Variants in STAT4 observed in about 807,000 individuals in gnomAD.
The protein encoded by STAT4 is signal transducer and activator of transcription 4.
A neutral mutation model predicts 110.5 loss-of-function variants in STAT4; 42 were observed. That is an observed-to-expected ratio of 0.38 (90% CI 0.30 to 0.49). STAT4 has a LOEUF of 0.49. Among genes scored for constraint, STAT4 ranks in the 20% least tolerant of loss-of-function variants. STAT4 has a pLI of 0.95. For missense variants in STAT4, 632 were observed against 887.9 expected, an observed-to-expected ratio of 0.71 and a Z score of 3.66; for synonymous variants, 284 against 302.2, an observed-to-expected ratio of 0.94 and a Z score of 0.63.
chr2:191,125,453 C>T (rs1317156676), intron 3 of STAT4, among the ~76,000 whole-genome samples: 1 of 122,908 alleles, frequency 8.1e-6, no homozygotes, highest in African/African-American at 2.8e-5. Flanking sequence ...ATCTACTGAG[C>T]CATTGGCTGT....
In STAT4 at chr2:191,034,552, C is replaced by T. The variant is rs774187563; in HGVS notation, c.1616G>A (p.Cys539Tyr). 1.9e-6 allele frequency: 3 copies of T among 1,612,718 alleles called. No individual in the cohort carries two copies. The highest frequency in any genetic ancestry group is 1.3e-5 in the African/African-American group (1 of 74,844). Residue 539 changes from cysteine to tyrosine, a missense_variant, in exon 18 of 24, where the codon TGC becomes TAC. This residue lies in a region of STAT4 where 74 missense variants were observed against 154.3 expected (regional missense o/e 0.48). Coordinates refer to ENST00000392320, the MANE Select transcript of STAT4 (RefSeq NM_003151.4). ...SDGHLTWAKF[C>Y]KEHLPGKSFT... ...TGTTTCCCCGACCGTTTGTACCTTGCAGAACTTGGCCCAGGTGAGGTGACC... is the reference window on the plus strand; with the variant it reads ...TGTTTCCCCGACCGTTTGTACCTTGTAGAACTTGGCCCAGGTGAGGTGACC...
intron 3 of STAT4, among the ~76,000 whole-genome samples, chr2:191,087,314 G>A (rs1025586399): frequency 6.6e-6 from 1 of 152,026 alleles, no homozygotes; most frequent in African/African-American, 2.4e-5. Flanking sequence ...CTTTTAATGC[G>A]TGAAACCTGT....
chr2:191,125,232 G>A (rs897973495), intron 3 of STAT4, among the ~76,000 whole-genome samples: 2 of 152,082 alleles, frequency 1.3e-5, no homozygotes, highest in Admixed American at 1.3e-4. Flanking sequence ...CTGAGGCAGA[G>A]GTCACAGATT....
chr2:191,124,975 T>G (rs1698836823), intron 3 of STAT4, among the ~76,000 whole-genome samples: 1 of 152,232 alleles, frequency 6.6e-6, no homozygotes, highest in Non-Finnish European at 1.5e-5. Flanking sequence ...AGTCTCTGTC[T>G]CTATAGTTCT....
chr2:191,036,118 G>A, intron 17 of STAT4, 46 bp downstream of exon 17: 1 of 1,593,964 alleles, frequency 6.3e-7, no homozygotes. Flanking sequence ...TAAAATGCCT[G>A]AGGGCCAAAA....
intron 14 of STAT4, chr2:191,041,439 A>G (rs1696195971): frequency 6.2e-6 from 1 of 161,352 alleles, no homozygotes. Flanking sequence ...GTTTTTCCTT[A>G]TTTTAATGTT....
chr2:191,043,118 AAAC>A lies in STAT4; in HGVS notation c.1252-1973_1252-1971del, dbSNP rs1696254867. The stretch of plus-strand genomic sequence containing the variant: ...TGTATATATTTGAAAATGCACATTA[AAAC>A]ACTTTTTAAAAACTATATAAAACAA... On this transcript the variant is annotated intron_variant, in intron 14 of 23. Coordinates refer to ENST00000392320, the MANE Select transcript of STAT4 (RefSeq NM_003151.4). This position sits in a 1 kb window ranked among gnomAD's most constrained non-coding sequence, Gnocchi z 4.8. 6.6e-6 allele frequency among the ~76,000 whole-genome samples: 1 copy of A among 152,248 alleles called. No homozygotes were observed. The highest frequency in any genetic ancestry group is 6.5e-5 in the Admixed American group (1 of 15,274).
rs1292822760 is a variant in STAT4, at chr2:191,104,606, TA to T, written c.274-28282del. Among the ~76,000 whole-genome samples, 1 of 152,186 alleles carries T rather than the reference TA, an allele frequency of 6.6e-6. No individual in the cohort carries two copies. Among genetic ancestry groups the T allele is most frequent in the Non-Finnish European group, 1.5e-5 (1 of 68,038 alleles). On this transcript the variant is annotated intron_variant, in intron 3 of 23. Coordinates refer to ENST00000392320, the MANE Select transcript of STAT4 (RefSeq NM_003151.4). This position sits in a 1 kb window ranked among gnomAD's most constrained non-coding sequence, Gnocchi z 4.3. The stretch of plus-strand genomic sequence containing the variant: ...AACTTTTGATTTTGCTAAATAAGTA[TA>T]TATTAAACAAAGGTCCATAACCACC...
intron 3 of STAT4, among the ~76,000 whole-genome samples, chr2:191,108,881 T>C (rs1252723000): frequency 6.6e-6 from 1 of 152,258 alleles, no homozygotes. Flanking sequence ...AAACAGTTTT[T>C]CTTAATTGAA....
At chr2:191,049,218 AGGCTG>A (rs1235784678) in intron 14 of STAT4, among the ~76,000 whole-genome samples, 3 of 126,966 alleles carry the variant, frequency 2.4e-5, no homozygotes, top group Non-Finnish European at 4.7e-5. Flanking sequence ...TCTGTCACCC[AGGCTG>A]GAGTGCAGTG....
At chr2:191,076,960 G>A (rs1184021837) in intron 3 of STAT4, among the ~76,000 whole-genome samples, 1 of 152,122 alleles carries the variant, frequency 6.6e-6, no homozygotes, top group Non-Finnish European at 1.5e-5. Flanking sequence ...TCATGAATGA[G>A]GTGGTCTCAA....
At chr2:191,111,778 T>G (rs895591004) in intron 3 of STAT4, among the ~76,000 whole-genome samples, 4 of 152,164 alleles carry the variant, frequency 2.6e-5, no homozygotes, top group Non-Finnish European at 5.9e-5. Flanking sequence ...GAGGAGTGCT[T>G]GAACCCAGGA....
chr2:191,125,816 G>T (rs533770120), intron 3 of STAT4, among the ~76,000 whole-genome samples: 3 of 152,126 alleles, frequency 2.0e-5, no homozygotes, highest in African/African-American at 7.2e-5. Flanking sequence ...AGTGCGGGGA[G>T]AGTTAGATTT....
At chr2:191,081,549 T>A (rs1697481571) in intron 3 of STAT4, among the ~76,000 whole-genome samples, 1 of 152,232 alleles carries the variant, frequency 6.6e-6, no homozygotes. Flanking sequence ...TGGCGTGAGA[T>A]GGTATCTTAC....
At position 191,061,826 on chromosome 2, in the gene STAT4, AT is replaced by A. The variant is rs1270315268; in HGVS notation, c.942-6del. 2.5e-6 allele frequency: 4 copies of A among 1,610,876 alleles called. No homozygotes were observed. The highest frequency in any genetic ancestry group is 3.4e-5 in the Admixed American group (2 of 59,240). On this transcript the variant is annotated splice_polypyrimidine_tract_variant and splice_region_variant and intron_variant, in intron 9 of 23. Coordinates refer to ENST00000392320, the MANE Select transcript of STAT4 (RefSeq NM_003151.4). The surrounding 1 kb of genome is among the most constrained non-coding windows in gnomAD (Gnocchi z 6.2). ...TGTCGCTCAACCACAAATGAGCTAGATGAAAAGGAAATAAAGCGCATCATTT... is the reference window on the plus strand; with the variant it reads ...TGTCGCTCAACCACAAATGAGCTAGAGAAAAGGAAATAAAGCGCATCATTT...
rs1028548398 is a variant in STAT4, at chr2:191,062,592, T to A, written c.941+170A>T. Among the ~76,000 whole-genome samples the A allele has an allele frequency of 6.6e-6, 1 of 152,174 alleles. No individual in the cohort carries two copies. The highest frequency in any genetic ancestry group is 1.5e-5 in the Non-Finnish European group (1 of 68,026). On this transcript the variant is annotated intron_variant, in intron 9 of 23. Transcript: ENST00000392320. This position sits in a 1 kb window ranked among gnomAD's most constrained non-coding sequence, Gnocchi z 4.9. ...GGTGAGAGAAGTGTTGATGAATAAA[T>A]AGTGAAGAGTAGAAATGTGGTTTCT... is the stretch of plus-strand genomic sequence containing the variant.
chr2:191,041,989 C>T (rs116423446), intron 14 of STAT4, among the ~76,000 whole-genome samples: 243 of 152,264 alleles, frequency 1.6e-3, no homozygotes, highest in Non-Finnish European at 2.6e-3. Flanking sequence ...TTAAAGTTTA[C>T]GGTTAAGCCC....
intron 3 of STAT4, among the ~76,000 whole-genome samples, chr2:191,120,631 A>G (rs1559075888): frequency 6.6e-6 from 1 of 152,184 alleles, no homozygotes; most frequent in Admixed American, 6.5e-5. Context: ...CACATCTACA[A>G]CCATCTGATG....
chr2:191,147,423 G>C lies in STAT4; in HGVS notation c.128+653C>G, dbSNP rs1699488294. 6.6e-6 allele frequency among the ~76,000 whole-genome samples: 1 copy of C among 152,090 alleles called. No homozygotes were observed. The highest frequency in any genetic ancestry group is 1.9e-4 in the East Asian group (1 of 5,202). Reference sequence around the variant, plus strand: ...AGTCAGTTACAAAAGGAAAAATATTGTGTGATTCCAATTATCTAAAGTACC... The same window carrying C: ...AGTCAGTTACAAAAGGAAAAATATTCTGTGATTCCAATTATCTAAAGTACC... On this transcript the variant is annotated intron_variant, in intron 2 of 23. Coordinates refer to ENST00000392320, the MANE Select transcript of STAT4 (RefSeq NM_003151.4). This position sits in a 1 kb window ranked among gnomAD's most constrained non-coding sequence, Gnocchi z 4.1.
Sources: gnomAD v4.1 joint callset for allele counts (sites outside exome capture counted in the v4.1 genomes callset) on GRCh38, gnomAD v4.1.1 for gene constraint, gnomAD v4.1.1 regional missense constraint, Gnocchi (gnomAD v3.1) non-coding constraint, MANE v1.5 for transcripts, NCBI Gene and HGNC (gene_info 2026-07-23, HGNC 2026-07-21) for gene names.